The following SEPTIN11 variants were observed in gnomAD, a reference collection of about 807,000 sequenced individuals.
The protein encoded by SEPTIN11 is septin 11.
A neutral mutation model predicts 51.4 loss-of-function variants in SEPTIN11; 25 were observed. That is an observed-to-expected ratio of 0.49 (90% CI 0.35 to 0.68). SEPTIN11 has a LOEUF of 0.68. Among genes scored for constraint, SEPTIN11 ranks in the 30% least tolerant of loss-of-function variants. SEPTIN11 has a pLI of 0.00. For synonymous variants in SEPTIN11, 174 were observed against 184.1 expected, an observed-to-expected ratio of 0.95 and a Z score of 0.44; for missense variants, 381 against 520.8, an observed-to-expected ratio of 0.73 and a Z score of 2.61.
intron 2 of SEPTIN11, among the ~76,000 whole-genome samples, chr4:77,000,096 A>C (rs1368674462): frequency 1.3e-5 from 2 of 152,246 alleles, no homozygotes; most frequent in Non-Finnish European, 2.9e-5. Flanking sequence ...AAACATACAA[A>C]GGTGAAAATA....
At chr4:76,967,024 G>A (rs889165680) in intron 1 of SEPTIN11, among the ~76,000 whole-genome samples, 1 of 151,814 alleles carries the variant, frequency 6.6e-6, no homozygotes. Context: ...TGGCAAAACC[G>A]TGTCTCTACT....
In SEPTIN11 at chr4:77,033,966, T is replaced by C. The variant is rs374135309; in HGVS notation, c.1275-531T>C. Among the ~76,000 whole-genome samples, 5 of 152,318 alleles carry C rather than the reference T, an allele frequency of 3.3e-5. No individual in the cohort carries two copies. The East Asian group carries it at 5.8e-4, about 18-fold the overall frequency. ...GCTGTAGCTGTAACCATTCCAGTGA[T>C]TGTCCTTTTTTTCCCCCTACCCAAC... On this transcript the variant is annotated intron_variant, in intron 9 of 9. Coordinates refer to ENST00000264893, the MANE Select transcript of SEPTIN11 (RefSeq NM_018243.4).
intron 1 of SEPTIN11, among the ~76,000 whole-genome samples, chr4:76,971,424 A>G (rs537662391): frequency 1.3e-5 from 2 of 151,792 alleles, no homozygotes; most frequent in South Asian, 4.2e-4. Flanking sequence ...TTTTTTTTAT[A>G]TTAATTATGG....
chr4:76,995,659 T>C lies in SEPTIN11; in HGVS notation c.28-766T>C, dbSNP rs561988387. ...TATCTCCAACACCCACGGGATGCATTCAAAGTTGTGGGGGCAGCCAGTACC... is the reference window on the plus strand; with the variant it reads ...TATCTCCAACACCCACGGGATGCATCCAAAGTTGTGGGGGCAGCCAGTACC... On this transcript the variant is annotated intron_variant, in intron 1 of 9. Transcript: ENST00000264893. 296 of 822,600 alleles carry C rather than the reference T, an allele frequency of 3.6e-4. 1 individual carries two copies. The highest frequency in any genetic ancestry group is 4.9e-4 in the Non-Finnish European group (283 of 573,452). 51.0% of individuals were successfully genotyped at this position (822,600 alleles called of 1,614,324 possible). A position where few individuals can be genotyped will look rare whatever the true frequency, so the allele number is the denominator to read the frequency against.
At chr4:77,039,570 A>C (rs1727249071), downstream of SEPTIN11, 1 of 985,180 alleles carries the variant, frequency 1.0e-6, no homozygotes, top group African/African-American at 1.7e-5. Context: ...AGGATCCTCA[A>C]CCGTCAGGTC....
intron 1 of SEPTIN11, among the ~76,000 whole-genome samples, chr4:76,993,733 A>G (rs564635121): frequency 3.1e-4 from 47 of 152,302 alleles, no homozygotes; most frequent in Non-Finnish European, 5.7e-4. Flanking sequence ...GAAATGTAAA[A>G]ACTGTATTAT....
intron 1 of SEPTIN11, among the ~76,000 whole-genome samples, chr4:76,951,155 C>T (rs1296586400): frequency 6.6e-6 from 1 of 152,196 alleles, no homozygotes; most frequent in Admixed American, 6.5e-5. Context: ...TCCCCCTCTC[C>T]CCGCCTAACT....
rs1727145706 is a variant in SEPTIN11, at chr4:77,037,922, A to G, written c.*3410A>G. 2.0e-6 allele frequency: 2 copies of G among 985,928 alleles called. No homozygotes were observed. Among genetic ancestry groups the G allele is most frequent in the Non-Finnish European group, 2.4e-6 (2 of 829,958 alleles). The allele number at this position is 985,928 out of a possible 1,614,324, so 61.1% of individuals were successfully genotyped here. Reference sequence around the variant, plus strand: ...ACCAGCAGTAACACACACAATCCACATCTTGTGCACCTCAAATGAACAGAC... The same window carrying G: ...ACCAGCAGTAACACACACAATCCACGTCTTGTGCACCTCAAATGAACAGAC... On this transcript the variant is annotated 3_prime_UTR_variant, in exon 10 of 10. Coordinates refer to ENST00000264893, the MANE Select transcript of SEPTIN11 (RefSeq NM_018243.4).
At chr4:77,034,440 CT>C (rs1348194599) in intron 9 of SEPTIN11, 56 bp from the exon 10 acceptor site, 3 of 1,408,570 alleles carry the variant, frequency 2.1e-6, no homozygotes, top group African/African-American at 3.0e-5. Context: ...CCTAATTTTC[CT>C]TTCTTTTTAA....
chr4:77,012,010 T>C (rs1724898246), intron 4 of SEPTIN11, 89 bp downstream of exon 4: 3 of 993,544 alleles, frequency 3.0e-6, no homozygotes, highest in Non-Finnish European at 2.8e-6. Flanking sequence ...TTCAGTGTGA[T>C]TTTTTTTTTC....
At chr4:76,976,392 T>C (rs564978780) in intron 1 of SEPTIN11, among the ~76,000 whole-genome samples, 22 of 152,282 alleles carry the variant, frequency 1.4e-4, no homozygotes, top group African/African-American at 5.1e-4. Flanking sequence ...AACTGGAGAC[T>C]TGCAAGCTCA....
intron 2 of SEPTIN11, among the ~76,000 whole-genome samples, chr4:77,002,956 C>G (rs1724224429): frequency 6.6e-6 from 1 of 152,134 alleles, no homozygotes. Flanking sequence ...AGCGCCCAAG[C>G]ATTAATTTCA....
At chr4:76,969,439 G>T (rs1022511973) in intron 1 of SEPTIN11, among the ~76,000 whole-genome samples, 3 of 152,002 alleles carry the variant, frequency 2.0e-5, no homozygotes, top group Non-Finnish European at 2.9e-5. Flanking sequence ...GATTACAAAA[G>T]GTACAAAATA....
At chr4:76,992,442 C>G in intron 1 of SEPTIN11, among the ~76,000 whole-genome samples, 1 of 152,160 alleles carries the variant, frequency 6.6e-6, no homozygotes, top group East Asian at 1.9e-4. Flanking sequence ...TGTTCGACAA[C>G]TCTGGAACCT....
At chr4:76,969,279 A>G (rs1014831641) in intron 1 of SEPTIN11, among the ~76,000 whole-genome samples, 6 of 152,108 alleles carry the variant, frequency 3.9e-5, no homozygotes, top group African/African-American at 1.2e-4. Flanking sequence ...ATCGTATCCT[A>G]ATTCTGATTT....
At chr4:76,990,516 C>G (rs578200886) in intron 1 of SEPTIN11, among the ~76,000 whole-genome samples, 1 of 152,156 alleles carries the variant, frequency 6.6e-6, no homozygotes, top group Non-Finnish European at 1.5e-5. Context: ...GTCAGCATTA[C>G]CGCCTGAGTT....
At chr4:77,026,664 G>A (rs1046124866) in intron 7 of SEPTIN11, among the ~76,000 whole-genome samples, 1 of 152,218 alleles carries the variant, frequency 6.6e-6, no homozygotes, top group East Asian at 1.9e-4. Context: ...ATACACTTTC[G>A]GTGGTGTTTC....
At chr4:76,956,178 A>G (rs1482885011) in intron 1 of SEPTIN11, among the ~76,000 whole-genome samples, 1 of 152,188 alleles carries the variant, frequency 6.6e-6, no homozygotes, top group African/African-American at 2.4e-5. Context: ...TGGAGGGCAA[A>G]AGGCTTGACC....
chr4:76,981,347 A>G (rs1259589943), intron 1 of SEPTIN11, among the ~76,000 whole-genome samples: 1 of 152,232 alleles, frequency 6.6e-6, no homozygotes, highest in African/African-American at 2.4e-5. Flanking sequence ...GAGCTGCAGC[A>G]TGTGAAAAGG....
Sources: allele counts gnomAD v4.1 joint callset (sites outside exome capture counted in the v4.1 genomes callset), GRCh38; gene constraint gnomAD v4.1.1; transcripts MANE v1.5; gene names NCBI Gene and HGNC (gene_info 2026-07-23, HGNC 2026-07-21).